CACNA2D1: variants seen among roughly 807,000 people sequenced by gnomAD.
CACNA2D1 encodes voltage-dependent calcium channel subunit alpha-2/delta-1.
Under a neutral mutation model 171.5 loss-of-function variants are expected in CACNA2D1, and 53 were observed. The ratio of observed to expected loss-of-function variants is 0.31; its 90% CI spans 0.25 to 0.39. The LOEUF is 0.39. Among genes scored for constraint, CACNA2D1 ranks in the 10% least tolerant of loss-of-function variants. CACNA2D1 has a pLI of 1.00. For synonymous variants in CACNA2D1, 442 were observed against 443.1 expected, an observed-to-expected ratio of 1.00 and a Z score of 0.03; for missense variants, 903 against 1,299.8, an observed-to-expected ratio of 0.69 and a Z score of 4.69.
At position 81,985,196 on chromosome 7, in the gene CACNA2D1, C is replaced by CTTTTT. The variant is rs774555240; in HGVS notation, c.1797-490_1797-486dup. Among the ~76,000 whole-genome samples the CTTTTT allele has an allele frequency of 3.9e-4, 41 of 104,172 alleles. 4 individuals are homozygous for CTTTTT. Among genetic ancestry groups the CTTTTT allele is most frequent in the African/African-American group, 1.4e-3 (33 of 24,302 alleles). The allele number at this position is 104,172 out of a possible 152,430, so 68.3% of individuals were successfully genotyped here. ...AATGGAAGAGTTACTATTATCATTA[C>CTTTTT]TTTTTTTTTTTTTTTTTTTTTGGAG... On this transcript the variant is annotated intron_variant, in intron 21 of 38. Coordinates refer to ENST00000356860, the MANE Select transcript of CACNA2D1 (RefSeq NM_000722.4).
chr7:82,228,308 C>A (rs2887117), intron 3 of CACNA2D1, among the ~76,000 whole-genome samples: 36,748 of 151,934 alleles, frequency 0.24, 5,522 homozygotes, highest in East Asian at 0.48. Context: ...AAGAGGATCC[C>A]AAACCTCAAA....
chr7:82,050,750 A>C (rs1002961267), intron 10 of CACNA2D1: 1 of 655,554 alleles, frequency 1.5e-6, no homozygotes, highest in African/African-American at 1.8e-5. Context: ...ACTAAATAAC[A>C]ATAATCATCA....
chr7:82,210,589 C>T (rs1800451550), intron 3 of CACNA2D1, among the ~76,000 whole-genome samples: 1 of 151,986 alleles, frequency 6.6e-6, no homozygotes, highest in Non-Finnish European at 1.5e-5. Context: ...TGCACTGTGT[C>T]TGGGTAAAAG....
intron 3 of CACNA2D1, among the ~76,000 whole-genome samples, chr7:82,289,513 CA>C (rs1249013436): frequency 2.6e-5 from 4 of 152,098 alleles, no homozygotes; most frequent in Admixed American, 6.5e-5. Context: ...TTAACCATTC[CA>C]AATAATTTAA....
chr7:82,079,139 T>G (rs918766534), intron 7 of CACNA2D1, among the ~76,000 whole-genome samples: 1 of 152,228 alleles, frequency 6.6e-6, no homozygotes, highest in Non-Finnish European at 1.5e-5. Flanking sequence ...AGTGTTTCTA[T>G]GTATTTTAAA....
At chr7:82,012,798 G>A (rs1203611066) in intron 14 of CACNA2D1, among the ~76,000 whole-genome samples, 2 of 152,032 alleles carry the variant, frequency 1.3e-5, no homozygotes, top group Non-Finnish European at 2.9e-5. Flanking sequence ...CAAATGCCAT[G>A]TTATTTATGC....
intron 1 of CACNA2D1, among the ~76,000 whole-genome samples, chr7:82,380,266 C>G (rs1188242151): frequency 6.6e-6 from 1 of 152,038 alleles, no homozygotes; most frequent in African/African-American, 2.4e-5. Flanking sequence ...AGAAAACATC[C>G]AAAACATGTA....
At chr7:82,336,428 A>G (rs1388319035) in intron 2 of CACNA2D1, among the ~76,000 whole-genome samples, 3 of 152,242 alleles carry the variant, frequency 2.0e-5, no homozygotes, top group Non-Finnish European at 4.4e-5. Flanking sequence ...TAAAATTAAT[A>G]TTTTGTAAAG....
chr7:81,981,651 A>G (rs553952412), intron 24 of CACNA2D1, among the ~76,000 whole-genome samples: 1 of 152,300 alleles, frequency 6.6e-6, no homozygotes, highest in South Asian at 2.1e-4. Flanking sequence ...ATTATATTTG[A>G]ATATTATATG....
intron 24 of CACNA2D1, 59 bp downstream of exon 24, chr7:81,982,491 TCTTGACTCAATTCTGAA>T: frequency 1.2e-6 from 1 of 822,274 alleles, no homozygotes. Flanking sequence ...CCCAGAGCAG[TCTTGACTCAATTCTGAA>T]CTACTGTTGA....
At chr7:82,249,874 G>A (rs1349177317) in intron 3 of CACNA2D1, among the ~76,000 whole-genome samples, 1 of 152,206 alleles carries the variant, frequency 6.6e-6, no homozygotes, top group Non-Finnish European at 1.5e-5. Flanking sequence ...TTTTGAGAAG[G>A]GGGGAAATAG....
intron 3 of CACNA2D1, among the ~76,000 whole-genome samples, chr7:82,191,521 C>T (rs1798291645): frequency 1.3e-5 from 2 of 151,754 alleles, no homozygotes; most frequent in South Asian, 4.1e-4. Flanking sequence ...TCAAAGAACA[C>T]AAAGGCAAGT....
At chr7:82,414,849 GT>G (rs1349404173) in intron 1 of CACNA2D1, among the ~76,000 whole-genome samples, 1 of 152,128 alleles carries the variant, frequency 6.6e-6, no homozygotes, top group African/African-American at 2.4e-5. Context: ...TAGTGCACTG[GT>G]TATAGCTACT....
chr7:82,054,578 T>A (rs1448779228), intron 10 of CACNA2D1, among the ~76,000 whole-genome samples: 1 of 152,212 alleles, frequency 6.6e-6, no homozygotes, highest in Non-Finnish European at 1.5e-5. Flanking sequence ...TTTCCTAGAG[T>A]TACTTTCCAA....
At chr7:82,110,445 T>G (rs2129047048) in intron 6 of CACNA2D1, among the ~76,000 whole-genome samples, 1 of 152,224 alleles carries the variant, frequency 6.6e-6, no homozygotes, top group South Asian at 2.1e-4. Context: ...AACCTGCACC[T>G]CGATCTTGGA....
Position 81,947,764 on chromosome 7 carries a change from T to C in CACNA2D1, c.*2628A>G, listed in dbSNP as rs1792154260. ...TAACTCAGAAAAATACTAAATGTAA[T>C]GTAATAATTTGATGGGATGAGTGTT... On this transcript the variant is annotated 3_prime_UTR_variant, in exon 39 of 39. Coordinates refer to ENST00000356860, the MANE Select transcript of CACNA2D1 (RefSeq NM_000722.4). 1 of 151,928 alleles carries C rather than the reference T, an allele frequency of 6.6e-6. No homozygotes were observed. The highest frequency in any genetic ancestry group is 1.5e-5 in the Non-Finnish European group (1 of 67,850). 9.4% of individuals were successfully genotyped at this position (151,928 alleles called of 1,614,324 possible).
Position 81,962,042 on chromosome 7 carries a change from G to A in CACNA2D1, c.2837-19C>T. The A allele has an allele frequency of 6.2e-7, 1 of 1,611,640 alleles. No homozygotes were observed. The highest frequency in any genetic ancestry group is 8.5e-7 in the Non-Finnish European group (1 of 1,178,570). ...ATCTCAACTTGGGTGGCGGGGGACGGTGTAAAAACAAAGAACACCATTAGG... is the reference window on the plus strand; with the variant it reads ...ATCTCAACTTGGGTGGCGGGGGACGATGTAAAAACAAAGAACACCATTAGG... On this transcript the variant is annotated intron_variant, in intron 35 of 38. Transcript: ENST00000356860.
chr7:82,391,884 G>GT (rs1825162068), intron 1 of CACNA2D1, among the ~76,000 whole-genome samples: 1 of 152,144 alleles, frequency 6.6e-6, no homozygotes, highest in Non-Finnish European at 1.5e-5. Flanking sequence ...CCCAACTTTT[G>GT]TCTTTCTGAG....
chr7:82,038,221 A>T lies in CACNA2D1; in HGVS notation c.894T>A (p.Ala298=). 1 of 1,613,330 alleles carries T rather than the reference A, an allele frequency of 6.2e-7. No individual in the cohort carries two copies. Among genetic ancestry groups the T allele is most frequent in the Non-Finnish European group, 8.5e-7 (1 of 1,179,618 alleles). Residue 298 remains alanine, a synonymous_variant, in exon 11 of 39, where the codon GCT becomes GCA. Coordinates refer to ENST00000356860, the MANE Select transcript of CACNA2D1 (RefSeq NM_000722.4). ...FVNVASFNSN[A]QDVSCFQHLV... ...GGTGCTGAAAACAGCTTACATCCTG[A>T]GCATTGCTGTTAAACTGCAAAAGAT...
Sources: gnomAD v4.1 joint callset for allele counts (sites outside exome capture counted in the v4.1 genomes callset) on GRCh38, gnomAD v4.1.1 for gene constraint, MANE v1.5 for transcripts, NCBI Gene and HGNC (gene_info 2026-07-23, HGNC 2026-07-21) for gene names.